Variants in CDCP1 observed in about 807,000 individuals in gnomAD.
The protein encoded by CDCP1 is CUB domain containing protein 1, also known as CUB domain-containing protein 1.
In CDCP1, 29 loss-of-function variants were observed where a neutral mutation model predicts 60.2. That is an observed-to-expected ratio of 0.48 (90% CI 0.36 to 0.66). CDCP1 has a LOEUF of 0.66. CDCP1 is among the 30% of genes least tolerant of loss of function. The pLI is 0.00. For missense variants in CDCP1, 876 were observed against 1,074.3 expected, an observed-to-expected ratio of 0.82 and a Z score of 2.58; for synonymous variants, 387 against 431.1, an observed-to-expected ratio of 0.90 and a Z score of 1.27.
intron 2 of CDCP1, 76 bp from the exon 3 acceptor site, chr3:45,112,521 C>T (rs919028680): frequency 2.6e-6 from 4 of 1,553,870 alleles, no homozygotes; most frequent in Admixed American, 3.6e-5. Context: ...CACCACTCAG[C>T]CCCCTGTAGT....
intron 1 of CDCP1, among the ~76,000 whole-genome samples, chr3:45,133,461 G>T: frequency 8.9e-6 from 1 of 111,826 alleles, no homozygotes; most frequent in Non-Finnish European, 1.8e-5. Flanking sequence ...GCTCACGCCT[G>T]TAATCCCAGC....
In CDCP1 at chr3:45,085,753, G is replaced by A. The variant is rs778609727; in HGVS notation, c.2396C>T (p.Pro799Leu). The change falls in exon 9 of 9, where the codon CCT (proline) becomes CTT (leucine). Residue 799 changes from proline (P) to leucine (L), a missense_variant. Coordinates refer to ENST00000296129, the MANE Select transcript of CDCP1 (RefSeq NM_022842.5). The surrounding 1 kb of genome is among the most constrained non-coding windows in gnomAD (Gnocchi z 4.2). ...GGTGTACGGTTCACTCTCAGACTCA[G>A]GAGGGGAGCGAGGAGGTGGCTCCTC... ...ATEEPPPRSP[P>L]ESESEPYTFS... 8.7e-6 allele frequency: 14 copies of A among 1,614,198 alleles called. No individual in the cohort carries two copies. In the East Asian group the frequency reaches 3.1e-4, roughly 36 times the overall value.
At chr3:45,104,225 C>A (rs1698526868) in intron 4 of CDCP1, among the ~76,000 whole-genome samples, 1 of 152,214 alleles carries the variant, frequency 6.6e-6, no homozygotes, top group Admixed American at 6.5e-5. Flanking sequence ...ATTCTGGGGG[C>A]AAGACAGACT....
chr3:45,114,463 C>G (rs1698751859), intron 2 of CDCP1, among the ~76,000 whole-genome samples: 1 of 149,426 alleles, frequency 6.7e-6, no homozygotes, highest in African/African-American at 2.5e-5. Context: ...GTCACCCAAG[C>G]TGGAATGCAG....
intron 4 of CDCP1, among the ~76,000 whole-genome samples, chr3:45,106,295 C>T (rs1698564419): frequency 6.6e-6 from 1 of 152,170 alleles, no homozygotes; most frequent in South Asian, 2.1e-4. Context: ...GCTTTCTCCA[C>T]CCCTGCTGAG....
chr3:45,097,729 G>A (rs1209188737), intron 4 of CDCP1, among the ~76,000 whole-genome samples: 1 of 152,170 alleles, frequency 6.6e-6, no homozygotes, highest in African/African-American at 2.4e-5. Context: ...ACTGGCTGCA[G>A]GGAAGCTCGG....
intron 1 of CDCP1, among the ~76,000 whole-genome samples, chr3:45,133,717 C>CAAA (rs1215278385): frequency 0.055 from 2,753 of 50,286 alleles, 1,245 homozygotes; most frequent in African/African-American, 0.084. Flanking sequence ...GACTCCGTCT[C>CAAA]AAAAAAAAAA....
chr3:45,135,992 C>T (rs1003013856), intron 1 of CDCP1, among the ~76,000 whole-genome samples: 2 of 152,128 alleles, frequency 1.3e-5, no homozygotes, highest in Non-Finnish European at 2.9e-5. Flanking sequence ...CAATTTGTAG[C>T]CCCTGGTTTA....
At chr3:45,144,196 C>T (rs116012354) in intron 1 of CDCP1, among the ~76,000 whole-genome samples, 1,857 of 152,248 alleles carry the variant, frequency 0.012, 43 homozygotes, top group African/African-American at 0.04. Context: ...TTCATCTCTG[C>T]AGTGACACCA....
chr3:45,123,363 C>G (rs1197812878), intron 1 of CDCP1, among the ~76,000 whole-genome samples: 1 of 152,136 alleles, frequency 6.6e-6, no homozygotes, highest in Non-Finnish European at 1.5e-5. Context: ...GAGTAATCCC[C>G]CACCTGGTGT....
intron 5 of CDCP1, among the ~76,000 whole-genome samples, chr3:45,093,862 G>T (rs1260458072): frequency 6.6e-6 from 1 of 152,096 alleles, no homozygotes; most frequent in East Asian, 1.9e-4. Context: ...CATTCTTACT[G>T]TTTACTAAGC....
At chr3:45,131,160 C>T (rs1434770460) in intron 1 of CDCP1, among the ~76,000 whole-genome samples, 1 of 151,556 alleles carries the variant, frequency 6.6e-6, no homozygotes, top group Non-Finnish European at 1.5e-5. Context: ...TCGTGCCTGA[C>T]CTATGCTTCA....
chr3:45,138,422 T>C (rs1699225963), intron 1 of CDCP1, among the ~76,000 whole-genome samples: 1 of 152,236 alleles, frequency 6.6e-6, no homozygotes, highest in Non-Finnish European at 1.5e-5. Flanking sequence ...TAGCCTATAA[T>C]TTTGGCCCAG....
At chr3:45,125,011 T>C (rs1433680911) in intron 1 of CDCP1, among the ~76,000 whole-genome samples, 3 of 152,096 alleles carry the variant, frequency 2.0e-5, no homozygotes, top group African/African-American at 7.2e-5. Flanking sequence ...TCTGAAGACA[T>C]TGAGGGTCTG....
chr3:45,145,745 A>C (rs1699372091), intron 1 of CDCP1, among the ~76,000 whole-genome samples: 1 of 152,174 alleles, frequency 6.6e-6, no homozygotes, highest in African/African-American at 2.4e-5. Flanking sequence ...TCTCTGGACC[A>C]GGCGAGGAGG....
chr3:45,125,374 A>T (rs903393877), intron 1 of CDCP1, among the ~76,000 whole-genome samples: 1 of 152,140 alleles, frequency 6.6e-6, no homozygotes, highest in Non-Finnish European at 1.5e-5. Flanking sequence ...CTAGAATCAA[A>T]CTGTCTAGGG....
chr3:45,125,107 G>A (rs2126003217), intron 1 of CDCP1, among the ~76,000 whole-genome samples: 1 of 152,334 alleles, frequency 6.6e-6, no homozygotes, highest in Non-Finnish European at 1.5e-5. Context: ...GGATATGAGT[G>A]TGCCAACCAG....
intron 1 of CDCP1, among the ~76,000 whole-genome samples, chr3:45,138,590 C>T (rs1699228892): frequency 6.6e-6 from 1 of 152,200 alleles, no homozygotes; most frequent in Non-Finnish European, 1.5e-5. Flanking sequence ...TTCCTTTAAT[C>T]CCGGCACTTT....
intron 4 of CDCP1, among the ~76,000 whole-genome samples, chr3:45,101,228 C>G (rs1400225867): frequency 2.0e-5 from 3 of 152,226 alleles, no homozygotes; most frequent in Non-Finnish European, 4.4e-5. Flanking sequence ...AGTACCAAGT[C>G]TAATCCTCCC....
Sources: allele counts gnomAD v4.1 joint callset (sites outside exome capture counted in the v4.1 genomes callset), GRCh38; gene constraint gnomAD v4.1.1; non-coding constraint Gnocchi (gnomAD v3.1); transcripts MANE v1.5; gene names NCBI Gene and HGNC (gene_info 2026-07-23, HGNC 2026-07-21).